Variants in FAXC observed in about 807,000 individuals in gnomAD.
The protein encoded by FAXC is failed axon connections homolog, metaxin like GST domain containing, also known as failed axon connections homolog.
Under a neutral mutation model 41.9 loss-of-function variants are expected in FAXC, and 10 were observed. That is an observed-to-expected ratio of 0.24 (90% CI 0.15 to 0.41). The LOEUF (loss-of-function observed/expected upper bound fraction) is 0.41, where lower values mean the gene tolerates loss of function less well. Among genes scored for constraint, FAXC ranks in the 10% least tolerant of loss-of-function variants. The pLI is 1.00. For missense variants in FAXC, 399 were observed against 510.9 expected, an observed-to-expected ratio of 0.78 and a Z score of 2.11; for synonymous variants, 183 against 183.8, an observed-to-expected ratio of 1.00 and a Z score of 0.03.
At chr6:99,327,947 C>A (rs1490719285) in intron 3 of FAXC, among the ~76,000 whole-genome samples, 1 of 152,180 alleles carries the variant, frequency 6.6e-6, no homozygotes, top group Non-Finnish European at 1.5e-5. Flanking sequence ...CCCCTGACAT[C>A]CCCTCAAGGC....
intron 4 of FAXC, among the ~76,000 whole-genome samples, chr6:99,317,461 T>A (rs535191065): frequency 6.6e-6 from 1 of 152,350 alleles, no homozygotes; most frequent in Non-Finnish European, 1.5e-5. Context: ...TCGTGGCAAT[T>A]TTAGAAAATG....
rs552397894 is a variant in FAXC at position 99,323,511 on chromosome 6, G to C, written c.756C>G (p.Gly252=). The C allele has an allele frequency of 2.5e-5, 41 of 1,614,218 alleles. No homozygotes were observed. The South Asian group carries it at 4.3e-4, about 17-fold the overall frequency. ...TGTAAATCTCTTCCTCGGAGAAGCG[G>C]CCAATGCCGTGGCCGTGCATCTCGC... ...VKREMHGHGI[G]RFSEEEIYML... Residue 252 remains glycine, a synonymous_variant, in exon 4 of 6, where the codon GGC becomes GGG. Transcript: ENST00000389677.
At chr6:99,292,293 G>A (rs1433860933) in intron 4 of FAXC, among the ~76,000 whole-genome samples, 2 of 152,210 alleles carry the variant, frequency 1.3e-5, no homozygotes, top group African/African-American at 4.8e-5. Context: ...GAGGTTTGGA[G>A]GTGAGGTTTC....
At chr6:99,295,384 T>A (rs1771443126) in intron 4 of FAXC, among the ~76,000 whole-genome samples, 1 of 152,184 alleles carries the variant, frequency 6.6e-6, no homozygotes, top group African/African-American at 2.4e-5. Context: ...TCTGTGTGGG[T>A]GTTTCTGGAT....
chr6:99,332,528 T>C (rs771760589), intron 3 of FAXC, among the ~76,000 whole-genome samples: 2 of 152,164 alleles, frequency 1.3e-5, no homozygotes, highest in Admixed American at 1.3e-4. Context: ...AATGAGTTTG[T>C]AAAGCAAGAA....
chr6:99,308,621 A>C lies in FAXC; in HGVS notation c.823+14823T>G, dbSNP rs371340943. On this transcript the variant is annotated intron_variant, in intron 4 of 5. Transcript: ENST00000389677. ...AGTCATCTATAATTCAAAAAAAAAA[A>C]AAAAACTGGACTAACTTTAAAGGAA... Among the ~76,000 whole-genome samples the C allele has an allele frequency of 1.1e-4, 16 of 152,282 alleles. No homozygotes were observed. The East Asian group carries it at 3.1e-3, about 29-fold the overall frequency.
intron 2 of FAXC, among the ~76,000 whole-genome samples, chr6:99,342,346 C>CTT (rs113675285): frequency 4.2e-5 from 6 of 143,502 alleles, no homozygotes; most frequent in Non-Finnish European, 3.1e-5. Flanking sequence ...CCAAAGCATA[C>CTT]TTTTTTTTTT....
chr6:99,282,787 G>A (rs916468100), intron 5 of FAXC, among the ~76,000 whole-genome samples: 1 of 152,114 alleles, frequency 6.6e-6, no homozygotes, highest in Non-Finnish European at 1.5e-5. Context: ...CCATGTTTTA[G>A]TGCAGAAAAT....
rs1770634545 is a variant in FAXC, at chr6:99,276,622, AT to A, written c.*4541del. On this transcript the variant is annotated 3_prime_UTR_variant, in exon 6 of 6. Coordinates refer to ENST00000389677, the MANE Select transcript of FAXC (RefSeq NM_032511.4). ...ACTTTTGCTTGCATAGCCTGTACTA[AT>A]TTTTCTTCTCTCTGGCTGTGTTAAA... The A allele has an allele frequency of 6.6e-6, 1 of 152,148 alleles. No homozygotes were observed. Among genetic ancestry groups the A allele is most frequent in the African/African-American group, 2.4e-5 (1 of 41,428 alleles). The allele number at this position is 152,148 out of a possible 1,614,324, so 9.4% of individuals were successfully genotyped here. A position where few individuals can be genotyped will look rare whatever the true frequency, so the allele number is the denominator to read the frequency against.
At chr6:99,298,745 T>C (rs941537401) in intron 4 of FAXC, among the ~76,000 whole-genome samples, 2 of 152,220 alleles carry the variant, frequency 1.3e-5, no homozygotes, top group African/African-American at 4.8e-5. Context: ...GCTATAATAG[T>C]GATTAAAAAG....
intron 1 of FAXC, among the ~76,000 whole-genome samples, chr6:99,346,516 A>T (rs1773598129): frequency 6.6e-6 from 1 of 151,892 alleles, no homozygotes; most frequent in South Asian, 2.1e-4. Context: ...CTCCCCGAGT[A>T]GCTATAGGAC....
rs926936126 is a variant in FAXC, at chr6:99,281,003, G to C, written c.*161C>G. ...AGTCATCTGAATGGTTCTGTGTTTT[G>C]TTTGTACAAAAAAGAAATAAGGCTG... On this transcript the variant is annotated 3_prime_UTR_variant, in exon 6 of 6. Coordinates refer to ENST00000389677, the MANE Select transcript of FAXC (RefSeq NM_032511.4). 1.7e-5 allele frequency: 10 copies of C among 604,704 alleles called. No individual in the cohort carries two copies. Among genetic ancestry groups the C allele is most frequent in the Non-Finnish European group, 2.7e-5 (9 of 336,048 alleles). The allele number at this position is 604,704 out of a possible 1,614,324, so 37.5% of individuals were successfully genotyped here.
At chr6:99,292,723 G>A (rs559003828) in intron 4 of FAXC, among the ~76,000 whole-genome samples, 1 of 152,298 alleles carries the variant, frequency 6.6e-6, no homozygotes, top group South Asian at 2.1e-4. Context: ...GCTATTGTGA[G>A]GACAAAATGA....
At chr6:99,296,430 T>C (rs962338027) in intron 4 of FAXC, among the ~76,000 whole-genome samples, 36 of 152,236 alleles carry the variant, frequency 2.4e-4, no homozygotes, top group Admixed American at 2.1e-3. Context: ...GAGGGATATG[T>C]GGGCACCTGT....
At chr6:99,321,926 A>G (rs1772603306) in intron 4 of FAXC, among the ~76,000 whole-genome samples, 1 of 152,186 alleles carries the variant, frequency 6.6e-6, no homozygotes, top group Non-Finnish European at 1.5e-5. Context: ...TTGCTTACTG[A>G]GGCTCACAAC....
chr6:99,273,454 A>G lies in FAXC; in HGVS notation c.*7710T>C, dbSNP rs1316010007. 6.6e-6 allele frequency: 1 copy of G among 151,010 alleles called. No homozygotes were observed. The highest frequency in any genetic ancestry group is 6.6e-5 in the Admixed American group (1 of 15,050). 9.4% of individuals were successfully genotyped at this position (151,010 alleles called of 1,614,324 possible). A position where few individuals can be genotyped will look rare whatever the true frequency, so the allele number is the denominator to read the frequency against. On this transcript the variant is annotated 3_prime_UTR_variant, in exon 6 of 6. Coordinates refer to ENST00000389677, the MANE Select transcript of FAXC (RefSeq NM_032511.4). ...CATCCTGCATTTGCATTATCTGGGT[A>G]TCACCTCACCCCTACTTTCTTTTCT...
At chr6:99,312,305 T>C (rs1772182724) in intron 4 of FAXC, among the ~76,000 whole-genome samples, 1 of 152,246 alleles carries the variant, frequency 6.6e-6, no homozygotes. Flanking sequence ...GGGAACACTC[T>C]GGGAGACAGG....
intron 2 of FAXC, 113 bp downstream of exon 2, chr6:99,342,785 G>T: frequency 2.1e-6 from 2 of 964,260 alleles, no homozygotes; most frequent in Non-Finnish European, 3.0e-6. Flanking sequence ...GCTAGTTTCA[G>T]CTCCCATCCC....
intron 3 of FAXC, among the ~76,000 whole-genome samples, chr6:99,328,472 G>A (rs2128461370): frequency 6.6e-6 from 1 of 152,352 alleles, no homozygotes; most frequent in East Asian, 1.9e-4. Flanking sequence ...GGACTCGCCA[G>A]ACTCTGGAGC....
Sources: gnomAD v4.1 joint callset for allele counts (sites outside exome capture counted in the v4.1 genomes callset) on GRCh38, gnomAD v4.1.1 for gene constraint, MANE v1.5 for transcripts, NCBI Gene and HGNC (gene_info 2026-07-23, HGNC 2026-07-21) for gene names.